Variants in GYG1 observed in about 807,000 individuals in gnomAD.
The protein encoded by GYG1 is glycogenin-1.
A neutral mutation model predicts 41.9 loss-of-function variants in GYG1; 44 were observed. The observed-to-expected ratio is 1.05, with a 90% CI of 0.83 to 1.35. GYG1 has a LOEUF of 1.35. Ranked by LOEUF, GYG1 falls within the 40% of genes most tolerant of loss-of-function variation. The probability of loss-of-function intolerance (pLI) is 0.00; values close to 1 mark genes in which losing one functional copy is unlikely to be tolerated. For missense variants in GYG1, 429 were observed against 418.9 expected, an observed-to-expected ratio of 1.02 and a Z score of -0.21; for synonymous variants, 141 against 158.1, an observed-to-expected ratio of 0.89 and a Z score of 0.81.
chr3:149,004,299 C>CCG (rs1435440413), intron 4 of GYG1, among the ~76,000 whole-genome samples: 1 of 152,174 alleles, frequency 6.6e-6, no homozygotes, highest in Non-Finnish European at 1.5e-5. Context: ...ATAAAGCTGC[C>CCG]TCTAGAAGTC....
rs781241403 is a variant in GYG1 at position 148,994,242 on chromosome 3, C to T, written c.108C>T (p.Val36=). ...LKQHRTTRRL[V]VLATPQVSDS... ...AGCACAGGACCACCAGGAGGCTGGT[C>T]GTGCTCGCCACCCCTCAGGTCTCAG... Residue 36 remains valine (V), a synonymous_variant, in exon 2 of 8, where the codon GTC becomes GTT. Transcript: ENST00000345003. 38 of 1,613,896 alleles carry T rather than the reference C, an allele frequency of 2.4e-5. No homozygotes were observed. The highest frequency in any genetic ancestry group is 2.0e-4 in the South Asian group (18 of 91,072).
chr3:148,997,577 T>C (rs550633136), intron 4 of GYG1, among the ~76,000 whole-genome samples: 2 of 152,346 alleles, frequency 1.3e-5, no homozygotes, highest in Admixed American at 6.5e-5. Context: ...ATCAAATGAA[T>C]TAGTAAGTGT....
At chr3:148,992,427 C>G (rs920261240) in intron 1 of GYG1, 1 of 152,342 alleles carries the variant, frequency 6.6e-6, no homozygotes, top group African/African-American at 2.4e-5. Context: ...AGATTAAACT[C>G]CTACCCAGCT....
rs57407753 is a variant in GYG1 at position 149,028,170 on chromosome 3, T to C, written c.*1237T>C. On this transcript the variant is annotated 3_prime_UTR_variant, in exon 8 of 8. Transcript: ENST00000345003. ...ACAGGAAGAAACTTTAGAGGTTTGA[T>C]TGGGCAAAAGCTGCAAAGCTTTTGT... 0.028 allele frequency among the ~76,000 whole-genome samples: 4,195 copies of C among 152,200 alleles called. 208 individuals are homozygous for C. Among genetic ancestry groups the C allele is most frequent in the African/African-American group, 0.096 (4,003 of 41,540 alleles).
chr3:149,002,344 G>C (rs1289289641), intron 4 of GYG1, among the ~76,000 whole-genome samples: 1 of 152,190 alleles, frequency 6.6e-6, no homozygotes, highest in Non-Finnish European at 1.5e-5. Context: ...TCCAGACTAG[G>C]AGGACCTGCC....
rs140374515 is a variant in GYG1, at chr3:148,996,691, G to A, written c.319-51G>A. 4.6e-5 allele frequency: 70 copies of A among 1,532,834 alleles called. No individual in the cohort carries two copies. The African/African-American group carries it at 9.0e-4, about 20-fold the overall frequency. 95.0% of individuals were successfully genotyped at this position (1,532,834 alleles called of 1,614,324 possible). A position where few individuals can be genotyped will look rare whatever the true frequency, so the allele number is the denominator to read the frequency against. On this transcript the variant is annotated intron_variant, in intron 3 of 7. Transcript: ENST00000345003. Reference sequence around the variant, plus strand: ...ATGACATAGGAAGAACTCAAGAAGGGTATTCTGCAGCAAAAACATTTCTGT... The same window carrying A: ...ATGACATAGGAAGAACTCAAGAAGGATATTCTGCAGCAAAAACATTTCTGT...
Position 149,028,424 on chromosome 3 carries a change from C to T in GYG1, c.*1491C>T, listed in dbSNP as rs1406988234. 6.6e-6 allele frequency among the ~76,000 whole-genome samples: 1 copy of T among 152,106 alleles called. No homozygotes were observed. The highest frequency in any genetic ancestry group is 6.5e-5 in the Admixed American group (1 of 15,270). ...ATGAGTCGCTATTGATCTTCAAGTA[C>T]AATGAAGCATTTACCAAAGATTTAT... On this transcript the variant is annotated 3_prime_UTR_variant, in exon 8 of 8. Coordinates refer to ENST00000345003, the MANE Select transcript of GYG1 (RefSeq NM_004130.4).
At chr3:149,004,248 G>A (rs1292598829) in intron 4 of GYG1, among the ~76,000 whole-genome samples, 1 of 152,198 alleles carries the variant, frequency 6.6e-6, no homozygotes, top group African/African-American at 2.4e-5. Context: ...TGTTGGCTCT[G>A]AGATGAGTGA....
At position 148,996,769 on chromosome 3, in the gene GYG1, G is replaced by A; in HGVS notation, c.346G>A (p.Asp116Asn). Reference sequence around the variant, plus strand: ...CCTAGCAAATATTGATGATCTTTTTGACAGAGAAGAATTGTCAGCAGCACC... The same window carrying A: ...CCTAGCAAATATTGATGATCTTTTTAACAGAGAAGAATTGTCAGCAGCACC... Reference protein sequence around the residue: ...LVLANIDDLFDREELSAAPDP... With the variant: ...LVLANIDDLFNREELSAAPDP... Residue 116 changes from aspartate to asparagine, a missense_variant, in exon 4 of 8, where the codon GAC becomes AAC. Coordinates refer to ENST00000345003, the MANE Select transcript of GYG1 (RefSeq NM_004130.4). The A allele has an allele frequency of 6.2e-7, 1 of 1,613,980 alleles. No homozygotes were observed. Among genetic ancestry groups the A allele is most frequent in the African/African-American group, 1.3e-5 (1 of 75,016 alleles).
At position 149,031,336 on chromosome 3, in the gene GYG1, T is replaced by C. The variant is rs1188736445; in HGVS notation, c.*4403T>C. 5 of 152,618 alleles carry C rather than the reference T, an allele frequency of 3.3e-5. No individual in the cohort carries two copies. In the South Asian group the frequency reaches 1.0e-3, roughly 32 times the overall value. The allele number at this position is 152,618 out of a possible 1,614,324, so 9.5% of individuals were successfully genotyped here. The stretch of plus-strand genomic sequence containing the variant: ...TCATCCAGCCCAACTTCCATCCAGA[T>C]ATCACGCCTCTCACATATAGTAGTC... On this transcript the variant is annotated 3_prime_UTR_variant, in exon 8 of 8. Transcript: ENST00000345003.
chr3:148,994,972 A>G (rs1576537013), intron 2 of GYG1, among the ~76,000 whole-genome samples: 1 of 152,184 alleles, frequency 6.6e-6, no homozygotes, highest in African/African-American at 2.4e-5. Flanking sequence ...CCTGAGGTCA[A>G]GAGTTCCAGA....
intron 5 of GYG1, among the ~76,000 whole-genome samples, chr3:149,014,013 G>A (rs1387754771): frequency 1.3e-5 from 2 of 152,172 alleles, no homozygotes; most frequent in Admixed American, 6.5e-5. Context: ...CTCACTCAAG[G>A]CCTCAGAGAT....
chr3:149,031,088 C>T lies in GYG1; in HGVS notation c.*4155C>T, dbSNP rs1714992652. The T allele has an allele frequency of 6.6e-6, 1 of 150,502 alleles. No homozygotes were observed. Among genetic ancestry groups the T allele is most frequent in the Admixed American group, 6.6e-5 (1 of 15,188 alleles). The allele number at this position is 150,502 out of a possible 1,614,324, so 9.3% of individuals were successfully genotyped here. A position where few individuals can be genotyped will look rare whatever the true frequency, so the allele number is the denominator to read the frequency against. ...AATCTGACTGCTAAATTTCTAGCTT[C>T]TTTGTTTTAAATATGCTCAGGAGTC... is the stretch of plus-strand genomic sequence containing the variant. On this transcript the variant is annotated 3_prime_UTR_variant, in exon 8 of 8. Transcript: ENST00000345003.
chr3:149,026,297 C>A (rs548056979), intron 6 of GYG1, among the ~76,000 whole-genome samples, 155 bp from the exon 7 acceptor site: 88 of 152,160 alleles, frequency 5.8e-4, no homozygotes, highest in Non-Finnish European at 1.1e-3. Flanking sequence ...GTATGTGTTG[C>A]GGCTCTCTAG....
At chr3:149,025,264 A>G (rs1018171936) in intron 6 of GYG1, among the ~76,000 whole-genome samples, 7 of 152,216 alleles carry the variant, frequency 4.6e-5, no homozygotes, top group Non-Finnish European at 2.9e-5. Flanking sequence ...ACCTCAGATC[A>G]TCAGGCATTA....
At position 149,027,791 on chromosome 3, in the gene GYG1, CTAAT is replaced by C. The variant is rs1328961338; in HGVS notation, c.*860_*863del. ...AAAAACTGGTATCTATGATTTCAAT[CTAAT>C]TGTTTTTCTGTGATGGTGATGGATC... On this transcript the variant is annotated 3_prime_UTR_variant, in exon 8 of 8. Coordinates refer to ENST00000345003, the MANE Select transcript of GYG1 (RefSeq NM_004130.4). The C allele has an allele frequency of 6.6e-6, 1 of 152,162 alleles. No individual in the cohort carries two copies. 9.4% of individuals were successfully genotyped at this position (152,162 alleles called of 1,614,324 possible).
intron 4 of GYG1, among the ~76,000 whole-genome samples, chr3:149,000,779 T>C (rs577084511): frequency 6.6e-6 from 1 of 152,342 alleles, no homozygotes; most frequent in African/African-American, 2.4e-5. Context: ...TTTTGATTGG[T>C]GTACTGGAAT....
intron 4 of GYG1, among the ~76,000 whole-genome samples, chr3:149,001,834 T>C (rs182382807): frequency 6.6e-6 from 1 of 152,302 alleles, no homozygotes; most frequent in East Asian, 1.9e-4. Context: ...GGCAGCATTC[T>C]TGAGTATGTA....
intron 4 of GYG1, among the ~76,000 whole-genome samples, chr3:149,006,459 T>G (rs1169131043): frequency 1.3e-5 from 2 of 152,210 alleles, no homozygotes; most frequent in African/African-American, 2.4e-5. Flanking sequence ...GCTTCCTATC[T>G]CTATACTTTT....
Sources: allele counts gnomAD v4.1 joint callset (sites outside exome capture counted in the v4.1 genomes callset), GRCh38; gene constraint gnomAD v4.1.1; transcripts MANE v1.5; gene names NCBI Gene and HGNC (gene_info 2026-07-23, HGNC 2026-07-21).